The following MAGI1 variants were observed in gnomAD, a reference collection of about 807,000 sequenced individuals.
MAGI1 encodes the protein membrane associated guanylate kinase, WW and PDZ domain containing 1.
In MAGI1, 58 loss-of-function variants were observed where a neutral mutation model predicts 139.9. That is an observed-to-expected ratio of 0.41 (90% CI 0.34 to 0.52). The LOEUF (loss-of-function observed/expected upper bound fraction) is 0.52. MAGI1 is among the 20% of genes least tolerant of loss of function. The pLI, the probability that MAGI1 is intolerant of heterozygous loss-of-function variation, is 0.12. For synonymous variants in MAGI1, 812 were observed against 737.9 expected, an observed-to-expected ratio of 1.10 and a Z score of -1.63; for missense variants, 1,874 against 1,901.6, an observed-to-expected ratio of 0.99 and a Z score of 0.27.
Position 65,429,832 on chromosome 3 carries a change from T to C in MAGI1, c.1855A>G (p.Asn619Asp). 1.9e-6 allele frequency: 3 copies of C among 1,614,020 alleles called. No homozygotes were observed. The highest frequency in any genetic ancestry group is 2.2e-5 in the East Asian group (1 of 44,846). Residue 619 changes from asparagine to aspartate, a missense_variant, in exon 12 of 23, where the codon AAT becomes GAT. By Grantham distance (23) the Asn-to-Asp change is conservative (BLOSUM62 1). This residue lies in a region of MAGI1 where 482 missense variants were observed against 509.6 expected (regional missense o/e 0.95). Transcript: ENST00000402939. ...TCATTAGGATAACCATGAGAACTATTTGAAGCCACGTCCGCTGGGCTGCTT... is the reference window on the plus strand; with the variant it reads ...TCATTAGGATAACCATGAGAACTATCTGAAGCCACGTCCGCTGGGCTGCTT... ...RPSSPADVASNSSHGYPNDTV... is the reference protein window; with the variant it reads ...RPSSPADVASDSSHGYPNDTV...
At chr3:65,536,106 T>C (rs1486240146) in intron 2 of MAGI1, among the ~76,000 whole-genome samples, 6 of 152,236 alleles carry the variant, frequency 3.9e-5, no homozygotes, top group African/African-American at 1.2e-4. Flanking sequence ...TTTACACTTA[T>C]ACGTTTTCCC....
intron 1 of MAGI1, among the ~76,000 whole-genome samples, chr3:65,919,520 C>T (rs1434315914): frequency 6.6e-6 from 1 of 151,750 alleles, no homozygotes; most frequent in East Asian, 1.9e-4. Context: ...TACAGTTGTG[C>T]CACTGTACTC....
chr3:65,984,954 T>C (rs1335096762), intron 1 of MAGI1, among the ~76,000 whole-genome samples: 1 of 152,220 alleles, frequency 6.6e-6, no homozygotes. Flanking sequence ...TTTGGAGGTC[T>C]TGTCTGAGGT....
chr3:65,810,713 A>G (rs976159035), intron 1 of MAGI1, among the ~76,000 whole-genome samples: 10 of 152,218 alleles, frequency 6.6e-5, no homozygotes, highest in Non-Finnish European at 1.5e-5. Flanking sequence ...AGCGAGGGAA[A>G]GCCCGCACTC....
intron 1 of MAGI1, among the ~76,000 whole-genome samples, chr3:65,902,981 T>A (rs1447984313): frequency 6.6e-6 from 1 of 152,090 alleles, no homozygotes; most frequent in Non-Finnish European, 1.5e-5. Context: ...GGTTCTCAGC[T>A]CAAAGTCTTT....
chr3:66,005,628 T>C (rs2066975363), intron 1 of MAGI1, among the ~76,000 whole-genome samples: 1 of 152,050 alleles, frequency 6.6e-6, no homozygotes. Context: ...ACTATACATA[T>C]TGAGGCCATC....
chr3:65,756,285 C>A (rs900493096), intron 1 of MAGI1, among the ~76,000 whole-genome samples: 9 of 152,098 alleles, frequency 5.9e-5, no homozygotes, highest in African/African-American at 2.2e-4. Flanking sequence ...TGCATTTTTA[C>A]ACAGCATAAA....
At chr3:65,893,314 A>T (rs1038484510) in intron 1 of MAGI1, among the ~76,000 whole-genome samples, 1 of 152,160 alleles carries the variant, frequency 6.6e-6, no homozygotes, top group Non-Finnish European at 1.5e-5. Context: ...TACTAACATC[A>T]GATTTACTAT....
chr3:65,425,553 G>C (rs1946981826), intron 12 of MAGI1, among the ~76,000 whole-genome samples: 1 of 152,156 alleles, frequency 6.6e-6, no homozygotes, highest in Non-Finnish European at 1.5e-5. Context: ...TGTCAGGGTA[G>C]AAGTAGTACC....
chr3:65,627,600 C>G (rs971372957), intron 1 of MAGI1, among the ~76,000 whole-genome samples: 1 of 138,632 alleles, frequency 7.2e-6, no homozygotes, highest in Non-Finnish European at 1.5e-5. Flanking sequence ...TTCCGCCTCC[C>G]GGGTTCACGC....
At chr3:65,470,513 G>T in intron 4 of MAGI1, 29 bp from the exon 5 acceptor site, 1 of 1,377,546 alleles carries the variant, frequency 7.3e-7, no homozygotes, top group Non-Finnish European at 9.9e-7. Flanking sequence ...AGGTGAGAGA[G>T]AGAGAGAGAG....
intron 1 of MAGI1, among the ~76,000 whole-genome samples, chr3:65,665,869 C>A (rs538652436): frequency 1.3e-5 from 2 of 152,142 alleles, no homozygotes; most frequent in African/African-American, 2.4e-5. Context: ...ACAAAACCAA[C>A]AAAAATCTTT....
intron 4 of MAGI1, among the ~76,000 whole-genome samples, chr3:65,471,570 G>A (rs1305189626): frequency 2.0e-5 from 3 of 152,124 alleles, no homozygotes; most frequent in Admixed American, 1.3e-4. Flanking sequence ...TGAGGAGGCT[G>A]CCTGTAGGTA....
At chr3:65,924,470 G>A (rs1176399140) in intron 1 of MAGI1, among the ~76,000 whole-genome samples, 1 of 152,136 alleles carries the variant, frequency 6.6e-6, no homozygotes, top group Admixed American at 6.5e-5. Flanking sequence ...ATCATTGGGA[G>A]GTGAATTTAT....
At chr3:65,700,034 TAAAG>T (rs2089490815) in intron 1 of MAGI1, among the ~76,000 whole-genome samples, 1 of 152,062 alleles carries the variant, frequency 6.6e-6, no homozygotes, top group Admixed American at 6.6e-5. Flanking sequence ...ACTACTCCCC[TAAAG>T]AAAAATGTGA....
chr3:65,623,744 T>A (rs1200601564), intron 1 of MAGI1, among the ~76,000 whole-genome samples: 3 of 152,134 alleles, frequency 2.0e-5, no homozygotes, highest in Non-Finnish European at 4.4e-5. Context: ...TACTTTAATA[T>A]CACATTCAAT....
chr3:65,946,845 G>GA (rs1168509970), intron 1 of MAGI1, among the ~76,000 whole-genome samples: 1 of 152,084 alleles, frequency 6.6e-6, no homozygotes, highest in East Asian at 1.9e-4. Context: ...GAAAATATAG[G>GA]AAAAAGTGGA....
chr3:65,958,507 C>G (rs1397157572), intron 1 of MAGI1, among the ~76,000 whole-genome samples: 1 of 152,186 alleles, frequency 6.6e-6, no homozygotes, highest in African/African-American at 2.4e-5. Flanking sequence ...TAGCCTTAGA[C>G]TGGGTAAAAA....
intron 2 of MAGI1, among the ~76,000 whole-genome samples, chr3:65,603,837 A>G (rs898695697): frequency 3.9e-5 from 6 of 152,204 alleles, no homozygotes; most frequent in Non-Finnish European, 1.5e-5. Flanking sequence ...CTGTTACAGC[A>G]TCCCCCAGAA....
Sources: allele counts gnomAD v4.1 joint callset (sites outside exome capture counted in the v4.1 genomes callset), GRCh38; gene constraint gnomAD v4.1.1; regional missense constraint gnomAD v4.1.1; transcripts MANE v1.5; gene names NCBI Gene and HGNC (gene_info 2026-07-23, HGNC 2026-07-21).